PLCH2: variants seen among roughly 807,000 people sequenced by gnomAD.
PLCH2 encodes the protein 1-phosphatidylinositol 4,5-bisphosphate phosphodiesterase eta-2.
In PLCH2, 98 loss-of-function variants were observed where a neutral mutation model predicts 134.7. That is an observed-to-expected ratio of 0.73 (90% CI 0.62 to 0.86). The LOEUF (loss-of-function observed/expected upper bound fraction) is 0.86, where lower values mean the gene tolerates loss of function less well. Ranked by LOEUF, PLCH2 falls within the 40% of genes least tolerant of loss-of-function variation. PLCH2 has a pLI of 0.00. For synonymous variants in PLCH2, 974 were observed against 827.5 expected (o/e 1.18, Z -3.04); for missense variants, 1,994 against 1,986.6 (o/e 1.00, Z -0.07).
chr1:2,481,071 CAT>C (rs1225384840), intron 4 of PLCH2, among the ~76,000 whole-genome samples: 3 of 152,246 alleles, frequency 2.0e-5, no homozygotes, highest in African/African-American at 4.8e-5. Flanking sequence ...TGCACATACA[CAT>C]ATGCACACAG....
chr1:2,462,530 C>T (rs1640874551), upstream of PLCH2, among the ~76,000 whole-genome samples: 1 of 151,858 alleles, frequency 6.6e-6, no homozygotes, highest in Admixed American at 6.6e-5. Context: ...CAGGTGGTCA[C>T]CCCAAGGCAT....
Position 2,439,248 on chromosome 1 carries a change from C to T in PLCH2, c.115+8619C>T, listed in dbSNP as rs557437845. Among the ~76,000 whole-genome samples, 345 of 152,298 alleles carry T rather than the reference C, an allele frequency of 2.3e-3. 1 individual carries two copies. Among genetic ancestry groups the T allele is most frequent in the African/African-American group, 8.0e-3 (331 of 41,568 alleles). ...CAGTGCCTATAAAGACCTTTGGCCC[C>T]CCCGAGGGTGTCCTCACCCTTCTCG... On this transcript the variant is annotated intron_variant, in intron 2 of 3. Coordinates refer to the PLCH2 transcript ENST00000609981. This position sits in a 1 kb window ranked among gnomAD's most constrained non-coding sequence, Gnocchi z 4.7.
In PLCH2 at chr1:2,497,620, C is replaced by T. The variant is rs768358141; in HGVS notation, c.2224+11C>T. The T allele has an allele frequency of 5.8e-5, 89 of 1,530,532 alleles. 1 individual carries two copies. Among genetic ancestry groups the T allele is most frequent in the Admixed American group, 2.3e-4 (12 of 51,372 alleles). 94.8% of individuals were successfully genotyped at this position (1,530,532 alleles called of 1,614,324 possible). On this transcript the variant is annotated intron_variant, in intron 16 of 21. Coordinates refer to ENST00000378486, the MANE Select transcript of PLCH2 (RefSeq NM_014638.4). The stretch of plus-strand genomic sequence containing the variant: ...GGTGCATGTGCCAGGGTGAGGCACT[C>T]GGACACTCAGGGCTCGGACGCTCAG...
Position 2,487,354 on chromosome 1 carries a change from G to C in PLCH2, c.1092G>C (p.Gln364His), listed in dbSNP as rs1642342269. The change falls in exon 7 of 22, where the codon CAG (glutamine) becomes CAC (histidine). Residue 364 changes from glutamine to histidine, a missense_variant. By Grantham distance (24) the Gln-to-His change is conservative. This residue lies in a region of PLCH2 where 1,094 missense variants were observed against 1,234.3 expected (regional missense o/e 0.89). Coordinates refer to ENST00000378486, the MANE Select transcript of PLCH2 (RefSeq NM_014638.4). ...TGGACATGTATGCTTGGGTCCTGCA[G>C]GCTGGCTGCCGCTGCGTGGAGGGTA... ...SRVDMYAWVL[Q>H]AGCRCVEVDC... 7 of 1,613,260 alleles carry C rather than the reference G, an allele frequency of 4.3e-6. No individual in the cohort carries two copies. Among genetic ancestry groups the C allele is most frequent in the Non-Finnish European group, 5.9e-6 (7 of 1,179,822 alleles).
intron 2 of PLCH2, among the ~76,000 whole-genome samples, chr1:2,459,829 C>A (rs1002082182): frequency 6.6e-6 from 1 of 152,260 alleles, no homozygotes; most frequent in African/African-American, 2.4e-5. Context: ...CACGCAGGAC[C>A]GGCCGGCCGT....
At position 2,498,870 on chromosome 1, in the gene PLCH2, C is replaced by T. The variant is rs764525227; in HGVS notation, c.2434+42C>T. 12 of 1,510,502 alleles carry T rather than the reference C, an allele frequency of 7.9e-6. No individual in the cohort carries two copies. The highest frequency in any genetic ancestry group is 1.0e-5 in the Non-Finnish European group (11 of 1,096,744). 93.6% of individuals were successfully genotyped at this position (1,510,502 alleles called of 1,614,324 possible). On this transcript the variant is annotated intron_variant, in intron 18 of 21. Coordinates refer to ENST00000378486, the MANE Select transcript of PLCH2 (RefSeq NM_014638.4). The surrounding 1 kb of genome is among the most constrained non-coding windows in gnomAD (Gnocchi z 5.4). Reference sequence around the variant, plus strand: ...GCTCCGTCACACCTGTGATGGAAGTCTGAGGGGGGAGGGTTGGGGCTACCT... The same window carrying T: ...GCTCCGTCACACCTGTGATGGAAGTTTGAGGGGGGAGGGTTGGGGCTACCT...
chr1:2,487,517 C>A (rs921866014), intron 7 of PLCH2, 81 bp from the exon 8 acceptor site: 2 of 1,530,238 alleles, frequency 1.3e-6, no homozygotes, highest in Middle Eastern at 2.1e-4. Context: ...ATGGGACAGG[C>A]CCTCTTTTGG....
At chr1:2,432,594 G>A (rs990109250) in intron 2 of PLCH2, among the ~76,000 whole-genome samples, 4 of 152,180 alleles carry the variant, frequency 2.6e-5, no homozygotes, top group African/African-American at 9.7e-5. Context: ...GTGTGCACCC[G>A]GCCCCCACAC....
chr1:2,470,011 G>A (rs991477705), intron 1 of PLCH2, among the ~76,000 whole-genome samples: 1 of 152,218 alleles, frequency 6.6e-6, no homozygotes, highest in Non-Finnish European at 1.5e-5. Context: ...GCAGCACCTG[G>A]GTGAGGGCTA....
chr1:2,454,621 G>A (rs914752980), intron 2 of PLCH2, among the ~76,000 whole-genome samples: 3 of 152,136 alleles, frequency 2.0e-5, no homozygotes, highest in African/African-American at 7.2e-5. Context: ...GGCCTCTGGA[G>A]CCCCCTCCCA....
chr1:2,481,147 C>T (rs1306916718), intron 4 of PLCH2, among the ~76,000 whole-genome samples: 1 of 152,272 alleles, frequency 6.6e-6, no homozygotes, highest in Non-Finnish European at 1.5e-5. Context: ...CCGTGTCCAG[C>T]CCCTGCCAGC....
In PLCH2 at chr1:2,429,553, C is replaced by T. The variant is rs537511852; in HGVS notation, c.-177-785C>T. Among the ~76,000 whole-genome samples the T allele has an allele frequency of 1.3e-3, 205 of 152,222 alleles. 2 individuals carry two copies. Among genetic ancestry groups the T allele is most frequent in the African/African-American group, 4.5e-3 (188 of 41,526 alleles). The stretch of plus-strand genomic sequence containing the variant: ...GTGGGACGGAACCCCTGGGCCAGGA[C>T]GAGGAGGCTGTTTGGAGCCTGGGGC... On this transcript the variant is annotated intron_variant, in intron 1 of 3. Coordinates refer to the PLCH2 transcript ENST00000609981.
chr1:2,502,094 G>A lies in PLCH2; in HGVS notation c.2662-18G>A. On this transcript the variant is annotated intron_variant, in intron 20 of 21. Transcript: ENST00000378486. ...CTGGGACCCCTGGCAACAGCTACAT[G>A]GGCTCCTTCTCTTGCAGGTCAAGCA... is the stretch of plus-strand genomic sequence containing the variant. 7.0e-7 allele frequency: 1 copy of A among 1,424,132 alleles called. No individual in the cohort carries two copies. Among genetic ancestry groups the A allele is most frequent in the Non-Finnish European group, 9.1e-7 (1 of 1,093,200 alleles). 88.2% of individuals were successfully genotyped at this position (1,424,132 alleles called of 1,614,324 possible).
intron 16 of PLCH2, 78 bp downstream of exon 16, chr1:2,497,687 G>C: frequency 9.9e-7 from 1 of 1,011,536 alleles, no homozygotes; most frequent in Non-Finnish European, 1.5e-6. Flanking sequence ...ACAGAGATCG[G>C]AGCCCCACAG....
upstream of PLCH2, among the ~76,000 whole-genome samples, chr1:2,474,632 C>CAG (rs1460818082): frequency 5.9e-5 from 9 of 152,240 alleles, 1 homozygote; most frequent in Admixed American, 5.9e-4. Flanking sequence ...AGGGAGGGAG[C>CAG]AGAGGCCCAG....
chr1:2,459,176 G>A (rs57096636), intron 2 of PLCH2, among the ~76,000 whole-genome samples: 4,949 of 152,360 alleles, frequency 0.032, 312 homozygotes, highest in African/African-American at 0.11. Context: ...TGGGCCTCCC[G>A]TTGGCCCTGC....
At position 2,437,948 on chromosome 1, in the gene PLCH2, C is replaced by T. The variant is rs541379738; in HGVS notation, c.115+7319C>T. Among the ~76,000 whole-genome samples, 24 of 152,382 alleles carry T rather than the reference C, an allele frequency of 1.6e-4. 1 individual carries two copies. The highest frequency in any genetic ancestry group is 1.4e-3 in the Admixed American group (22 of 15,312). On this transcript the variant is annotated intron_variant, in intron 2 of 3. Coordinates refer to the PLCH2 transcript ENST00000609981. ...CCTCTTTGGCCTCGAAGGCCTTCCA[C>T]GATCTGGCCCTTGCCTGCCTCTGCC... is the stretch of plus-strand genomic sequence containing the variant.
In PLCH2 at chr1:2,497,530, G is replaced by A. The variant is rs1359114616; in HGVS notation, c.2145G>A (p.Arg715=). The change falls in exon 16 of 22, where the codon CGG becomes CGA. Residue 715 remains arginine (R), a synonymous_variant. Transcript: ENST00000378486. ...CCCTGAACTACCAGTCAGAGGGGCG[G>A]ATGCTGCAGCTGAACCGAGCCAAGT... The part of the protein sequence containing the change: ...MVALNYQSEG[R]MLQLNRAKFS... The A allele has an allele frequency of 6.4e-7, 1 of 1,559,100 alleles. No individual in the cohort carries two copies. Among genetic ancestry groups the A allele is most frequent in the Non-Finnish European group, 8.7e-7 (1 of 1,151,946 alleles).
At chr1:2,417,310 A>G in the PLCH2 span, among the ~76,000 whole-genome samples, 2 of 152,168 alleles carry the variant, frequency 1.3e-5, no homozygotes, top group Non-Finnish European at 2.9e-5. Context: ...GAGACTTTGC[A>G]CTGGTAAGAG....
Sources: gnomAD v4.1 joint callset for allele counts (sites outside exome capture counted in the v4.1 genomes callset) on GRCh38, gnomAD v4.1.1 for gene constraint, gnomAD v4.1.1 regional missense constraint, Gnocchi (gnomAD v3.1) non-coding constraint, MANE v1.5 for transcripts, NCBI Gene and HGNC (gene_info 2026-07-23, HGNC 2026-07-21) for gene names.